DOCK1: variants seen among roughly 807,000 people sequenced by gnomAD.
DOCK1 encodes dedicator of cytokinesis protein 1.
In DOCK1, 138 loss-of-function variants were observed where a neutral mutation model predicts 262.7. That is an observed-to-expected ratio of 0.53 (90% CI 0.46 to 0.61). The LOEUF (loss-of-function observed/expected upper bound fraction) is 0.61. Ranked by LOEUF, DOCK1 falls within the 20% of genes least tolerant of loss-of-function variation. The pLI is 0.00. For missense variants in DOCK1, 1,908 were observed against 2,370.7 expected (o/e 0.80, Z 4.05); for synonymous variants, 866 against 867.4 (o/e 1.00, Z 0.03).
At chr10:127,071,170 A>C (rs2046211738) in intron 23 of DOCK1, among the ~76,000 whole-genome samples, 1 of 152,150 alleles carries the variant, frequency 6.6e-6, no homozygotes, top group Non-Finnish European at 1.5e-5. Context: ...CCATTTCACT[A>C]TACTGCTTGC....
intron 27 of DOCK1, among the ~76,000 whole-genome samples, chr10:127,173,643 A>G (rs7904282): frequency 0.055 from 8,421 of 152,094 alleles, 779 homozygotes; most frequent in African/African-American, 0.19. Context: ...GGTTTAATTC[A>G]CTACCAACTA....
chr10:127,306,096 CCT>C (rs2082180228), intron 29 of DOCK1, among the ~76,000 whole-genome samples: 3 of 150,578 alleles, frequency 2.0e-5, no homozygotes, highest in Non-Finnish European at 4.4e-5. Context: ...CTTACTGCAA[CCT>C]CCGCCTCCCA....
At chr10:127,150,507 ACATAAGTGGTGCACC>A (rs1172905300) in intron 27 of DOCK1, among the ~76,000 whole-genome samples, 1 of 152,164 alleles carries the variant, frequency 6.6e-6, no homozygotes, top group Non-Finnish European at 1.5e-5. Context: ...TCCTTTCACG[ACATAAGTGGTGCACC>A]CATGATGCTG....
chr10:126,919,231 TA>T (rs1446085473), intron 1 of DOCK1, among the ~76,000 whole-genome samples: 1 of 152,244 alleles, frequency 6.6e-6, no homozygotes, highest in Non-Finnish European at 1.5e-5. Context: ...TTTGCTGGAA[TA>T]AAGGCACTTA....
chr10:127,094,234 C>T (rs1263020668), intron 23 of DOCK1, among the ~76,000 whole-genome samples: 1 of 152,144 alleles, frequency 6.6e-6, no homozygotes, highest in East Asian at 1.9e-4. Flanking sequence ...ATCTTAATAA[C>T]TGTTACAATG....
intron 1 of DOCK1, among the ~76,000 whole-genome samples, chr10:126,942,464 C>T (rs910971223): frequency 2.0e-5 from 3 of 152,144 alleles, no homozygotes; most frequent in Non-Finnish European, 4.4e-5. Flanking sequence ...GCACTGGATT[C>T]ATTTGGGAGC....
chr10:127,111,774 C>T (rs907195773), intron 25 of DOCK1, among the ~76,000 whole-genome samples: 4 of 152,212 alleles, frequency 2.6e-5, no homozygotes, highest in Non-Finnish European at 5.9e-5. Context: ...GCATCACCAG[C>T]ACTACCGTCA....
intron 27 of DOCK1, among the ~76,000 whole-genome samples, chr10:127,198,385 A>G (rs561933868): frequency 6.6e-6 from 1 of 152,244 alleles, no homozygotes; most frequent in South Asian, 2.1e-4. Context: ...GTGACTGTAA[A>G]TAAAGCTGCC....
At chr10:127,444,061 T>C in intron 49 of DOCK1, 65 bp from the exon 50 acceptor site, 1 of 1,539,934 alleles carries the variant, frequency 6.5e-7, no homozygotes, top group Non-Finnish European at 8.7e-7. Context: ...CATAGGAATT[T>C]AGGTGGAAAC....
intron 1 of DOCK1, among the ~76,000 whole-genome samples, chr10:126,960,784 G>A (rs1467071619): frequency 0.025 from 2,434 of 96,320 alleles, 74 homozygotes; most frequent in African/African-American, 0.11. Flanking sequence ...ACGTATATAT[G>A]TGTATATACA....
At chr10:126,906,826 A>G (rs2030949254) in intron 1 of DOCK1, among the ~76,000 whole-genome samples, 1 of 152,256 alleles carries the variant, frequency 6.6e-6, no homozygotes, top group South Asian at 2.1e-4. Flanking sequence ...TGCCCTGACC[A>G]CGGAGCCAGC....
At chr10:127,169,024 A>G (rs555587821) in intron 27 of DOCK1, among the ~76,000 whole-genome samples, 44 of 152,194 alleles carry the variant, frequency 2.9e-4, no homozygotes, top group Non-Finnish European at 5.1e-4. Flanking sequence ...TACAGCAAGT[A>G]TATCATTTCT....
At chr10:127,404,278 A>C in intron 39 of DOCK1, 47 bp from the exon 40 acceptor site, 1 of 1,530,850 alleles carries the variant, frequency 6.5e-7, no homozygotes, top group Non-Finnish European at 8.9e-7. Flanking sequence ...AGAGGCACAC[A>C]TGCTTGAATA....
chr10:127,351,986 C>T (rs1037039652), intron 31 of DOCK1, among the ~76,000 whole-genome samples: 2 of 151,694 alleles, frequency 1.3e-5, no homozygotes, highest in Non-Finnish European at 1.5e-5. Context: ...CCCGCAGGCC[C>T]GGCTCTCCTG....
rs1442621132 is a variant in DOCK1 at position 126,950,243 on chromosome 10, C to T, written c.47-20459C>T. ...TTATTTGGAGAGCAGGTTCCTAATT[C>T]GAGTTCGCCACAGCTTATCTGTGTC... On this transcript the variant is annotated intron_variant, in intron 1 of 51. Coordinates refer to ENST00000623213, the MANE Select transcript of DOCK1 (RefSeq NM_001290223.2). Among the ~76,000 whole-genome samples the T allele has an allele frequency of 2.6e-5, 4 of 152,176 alleles. No homozygotes were observed. The East Asian group carries it at 5.8e-4, about 22-fold the overall frequency.
rs899659090 is a variant in DOCK1, at chr10:126,987,445, G to A, written c.228-76G>A. 3.2e-6 allele frequency: 4 copies of A among 1,249,556 alleles called. No individual in the cohort carries two copies. In the South Asian group the frequency reaches 4.1e-5, roughly 13 times the overall value. 77.4% of individuals were successfully genotyped at this position (1,249,556 alleles called of 1,614,324 possible). The stretch of plus-strand genomic sequence containing the variant: ...TAATACTGAACGCTATGGCCTAGAT[G>A]TGAAATTTACCAGGTACTACTCATA... On this transcript the variant is annotated intron_variant, in intron 4 of 51. Transcript: ENST00000623213.
chr10:127,078,683 T>C (rs2046716210), intron 23 of DOCK1, among the ~76,000 whole-genome samples: 1 of 152,142 alleles, frequency 6.6e-6, no homozygotes, highest in Admixed American at 6.5e-5. Flanking sequence ...TTACAAAAAT[T>C]GTGGAACCAG....
chr10:127,268,110 C>A (rs1353567699), intron 29 of DOCK1, among the ~76,000 whole-genome samples: 1 of 152,128 alleles, frequency 6.6e-6, no homozygotes, highest in Non-Finnish European at 1.5e-5. Flanking sequence ...TCTTTTCATG[C>A]ACGAGACAGC....
chr10:127,253,990 C>A (rs779529427), intron 28 of DOCK1, among the ~76,000 whole-genome samples: 1 of 151,968 alleles, frequency 6.6e-6, no homozygotes, highest in Non-Finnish European at 1.5e-5. Context: ...TCTATACAGC[C>A]AACCCCTTTC....
Sources: gnomAD v4.1 joint callset for allele counts (sites outside exome capture counted in the v4.1 genomes callset) on GRCh38, gnomAD v4.1.1 for gene constraint, MANE v1.5 for transcripts, NCBI Gene and HGNC (gene_info 2026-07-23, HGNC 2026-07-21) for gene names.